The following SEMA5B variants were observed in gnomAD, a reference collection of about 807,000 sequenced individuals.
The protein encoded by SEMA5B is semaphorin 5B.
SEMA5B carries 66 observed loss-of-function variants against 135.0 expected under a neutral mutation model. That is an observed-to-expected ratio of 0.49 (90% CI 0.40 to 0.60). SEMA5B has a LOEUF of 0.60. SEMA5B is among the 20% of genes least tolerant of loss of function. The probability of loss-of-function intolerance (pLI) is 0.00; values close to 1 mark genes in which losing one functional copy is unlikely to be tolerated. For synonymous variants in SEMA5B, 690 were observed against 639.5 expected (o/e 1.08, Z -1.19); for missense variants, 1,501 against 1,566.3 (o/e 0.96, Z 0.70).
intron 1 of SEMA5B, among the ~76,000 whole-genome samples, chr3:123,004,858 T>C (rs1289316176): frequency 6.6e-6 from 1 of 152,196 alleles, no homozygotes; most frequent in Non-Finnish European, 1.5e-5. Flanking sequence ...CTGAATCTCA[T>C]GGGTGGGCCC....
intron 1 of SEMA5B, among the ~76,000 whole-genome samples, chr3:122,997,518 T>TCCCCCCCCCC (rs1553785271): frequency 7.0e-6 from 1 of 142,776 alleles, no homozygotes; most frequent in African/African-American, 2.6e-5. Flanking sequence ...CCCAGGCCTC[T>TCCCCCCCCCC]CCCCCCCCCG....
intron 1 of SEMA5B, among the ~76,000 whole-genome samples, chr3:123,011,053 T>C (rs1942429451): frequency 1.3e-5 from 2 of 152,086 alleles, no homozygotes; most frequent in African/African-American, 4.8e-5. Context: ...CCAAAGGCCA[T>C]TCTTGAGCAC....
chr3:122,968,242 T>G (rs897858896), intron 1 of SEMA5B, among the ~76,000 whole-genome samples: 1 of 152,222 alleles, frequency 6.6e-6, no homozygotes, highest in Non-Finnish European at 1.5e-5. Flanking sequence ...CTTCACAGTT[T>G]AATTTGGATT....
chr3:123,026,306 C>T (rs1052502350), intron 1 of SEMA5B, among the ~76,000 whole-genome samples: 4 of 152,202 alleles, frequency 2.6e-5, no homozygotes, highest in African/African-American at 9.7e-5. Flanking sequence ...CTGCTCTCAC[C>T]CCGCCCCTCT....
At chr3:122,971,281 A>G (rs1941103930) in intron 1 of SEMA5B, among the ~76,000 whole-genome samples, 1 of 152,276 alleles carries the variant, frequency 6.6e-6, no homozygotes, top group African/African-American at 2.4e-5. Flanking sequence ...CTAACCCAGC[A>G]CCAGTCACAT....
chr3:122,939,888 G>C (rs1467269677), intron 4 of SEMA5B, among the ~76,000 whole-genome samples: 2 of 152,160 alleles, frequency 1.3e-5, no homozygotes, highest in Non-Finnish European at 2.9e-5. Flanking sequence ...CAGACAGCCA[G>C]CTTCCTCCTA....
chr3:122,961,328 C>T (rs778879770), intron 1 of SEMA5B, 27 bp from the exon 2 acceptor site: 13 of 1,600,270 alleles, frequency 8.1e-6, no homozygotes, highest in Admixed American at 3.4e-5. Flanking sequence ...TTGGGTAAGT[C>T]ATGGATACAT....
At chr3:123,024,730 GACAAGATA>G (rs1942761423) in intron 1 of SEMA5B, among the ~76,000 whole-genome samples, 1 of 152,220 alleles carries the variant, frequency 6.6e-6, no homozygotes, top group African/African-American at 2.4e-5. Context: ...GGTACAGGGA[GACAAGATA>G]ACATGTATAT....
intron 8 of SEMA5B, 33 bp from the exon 9 acceptor site, chr3:122,926,710 C>A (rs748907434): frequency 6.2e-7 from 1 of 1,600,274 alleles, no homozygotes; most frequent in South Asian, 1.1e-5. Flanking sequence ...AGGGGCAGGG[C>A]AGGCCAGCGG....
chr3:122,927,718 T>A lies in SEMA5B; in HGVS notation c.850+72A>T, dbSNP rs566016960. 6 of 1,145,310 alleles carry A rather than the reference T, an allele frequency of 5.2e-6. No individual in the cohort carries two copies. The East Asian group carries it at 1.7e-4, about 33-fold the overall frequency. 70.9% of individuals were successfully genotyped at this position (1,145,310 alleles called of 1,614,324 possible). ...AGAGGTTGGCAGGAAGGAGGATGAA[T>A]GGGGGGCTCAGGGTGGGCTGGTGGG... is the stretch of plus-strand genomic sequence containing the variant. On this transcript the variant is annotated intron_variant, in intron 8 of 22. Coordinates refer to ENST00000357599, the MANE Select transcript of SEMA5B (RefSeq NM_001031702.4).
At position 122,929,060 on chromosome 3, in the gene SEMA5B, T is replaced by TG. The variant is rs772679950; in HGVS notation, c.475-3dup. The TG allele has an allele frequency of 8.7e-6, 14 of 1,611,196 alleles. No individual in the cohort carries two copies. Among genetic ancestry groups the TG allele is most frequent in the Non-Finnish European group, 9.3e-6 (11 of 1,179,954 alleles). ...CTCACTGGAGGCCCACTCTGTGGCCTGGGGGAGGAACATAGGAGCACACAG... is the reference window on the plus strand; with the variant it reads ...CTCACTGGAGGCCCACTCTGTGGCCTGGGGGGAGGAACATAGGAGCACACAG... On this transcript the variant is annotated splice_region_variant and splice_polypyrimidine_tract_variant and intron_variant, in intron 5 of 22. Coordinates refer to ENST00000357599, the MANE Select transcript of SEMA5B (RefSeq NM_001031702.4).
chr3:122,956,976 C>A (rs1940350182), intron 2 of SEMA5B, among the ~76,000 whole-genome samples: 1 of 152,168 alleles, frequency 6.6e-6, no homozygotes, highest in Admixed American at 6.5e-5. Context: ...GAAGAGCATT[C>A]CAGACAGAGG....
chr3:122,933,442 C>G (rs1939083261), intron 5 of SEMA5B, among the ~76,000 whole-genome samples: 1 of 152,038 alleles, frequency 6.6e-6, no homozygotes, highest in Admixed American at 6.5e-5. Context: ...ACTCTGATGA[C>G]ATTTTCTTTT....
intron 2 of SEMA5B, among the ~76,000 whole-genome samples, chr3:122,959,990 T>C (rs542495823): frequency 2.0e-5 from 3 of 152,334 alleles, no homozygotes; most frequent in Admixed American, 2.0e-4. Flanking sequence ...AGCTTATCTA[T>C]TCATTAGAGT....
At position 122,989,462 on chromosome 3, in the gene SEMA5B, G is replaced by C. The variant is rs141255467; in HGVS notation, c.-38-28161C>G. Among the ~76,000 whole-genome samples, 548 of 152,322 alleles carry C rather than the reference G, an allele frequency of 3.6e-3. 4 individuals carry two copies. The highest frequency in any genetic ancestry group is 0.013 in the African/African-American group (520 of 41,570). On this transcript the variant is annotated intron_variant, in intron 1 of 22. Coordinates refer to ENST00000357599, the MANE Select transcript of SEMA5B (RefSeq NM_001031702.4). ...ACTGGCCCACCAGGGCTCTGGTAAG[G>C]CTTCCTGATTCCGTGCCTGGTCTCA...
At position 122,935,867 on chromosome 3, in the gene SEMA5B, T is replaced by C. The variant is rs1939253647; in HGVS notation, c.474+3558A>G. ...CACCACCATGCCCAGCTAATTTTTG[T>C]ATTTTTGTAGAGATGGGGTTTCACC... On this transcript the variant is annotated intron_variant, in intron 5 of 22. Coordinates refer to ENST00000357599, the MANE Select transcript of SEMA5B (RefSeq NM_001031702.4). 2.6e-5 allele frequency among the ~76,000 whole-genome samples: 4 copies of C among 151,826 alleles called. No individual in the cohort carries two copies. The South Asian group carries it at 8.4e-4, about 32-fold the overall frequency.
At chr3:123,011,692 C>G (rs1942441234) in intron 1 of SEMA5B, among the ~76,000 whole-genome samples, 1 of 152,200 alleles carries the variant, frequency 6.6e-6, no homozygotes, top group Admixed American at 6.5e-5. Context: ...AACAGAGGAA[C>G]AGGCACCAAG....
rs1407668886 is a variant in SEMA5B, at chr3:122,910,291, T to C, written c.3308A>G (p.Lys1103Arg). 5 of 1,614,110 alleles carry C rather than the reference T, an allele frequency of 3.1e-6. No homozygotes were observed. In the Admixed American group the frequency reaches 5.0e-5, roughly 16 times the overall value. ...YTPMEFKTLN[K>R]NNLIPDDRAN... The stretch of plus-strand genomic sequence containing the variant: ...TCTGTCATCAGGGATCAAGTTATTC[T>C]TGTTCAGGGTCTGTGGGTGGAAGAA... The change falls in exon 23 of 23, where the codon AAG becomes AGG. Residue 1103 changes from lysine to arginine, a missense_variant. Around this residue, in one of 2 missense-constraint regions of SEMA5B, gnomAD observed 927 missense variants for 881.6 expected, o/e 1.05. Coordinates refer to ENST00000357599, the MANE Select transcript of SEMA5B (RefSeq NM_001031702.4).
At chr3:122,942,757 G>A (rs1488246745) in intron 4 of SEMA5B, among the ~76,000 whole-genome samples, 1 of 152,190 alleles carries the variant, frequency 6.6e-6, no homozygotes, top group Non-Finnish European at 1.5e-5. Flanking sequence ...GGTCTGAGAA[G>A]GACCCAAGAA....
Sources: allele counts gnomAD v4.1 joint callset (sites outside exome capture counted in the v4.1 genomes callset), GRCh38; gene constraint gnomAD v4.1.1; regional missense constraint gnomAD v4.1.1; transcripts MANE v1.5; gene names NCBI Gene and HGNC (gene_info 2026-07-23, HGNC 2026-07-21).